PPM1D: variants seen among roughly 807,000 people sequenced by gnomAD.
PPM1D encodes the protein protein phosphatase, Mg2+/Mn2+ dependent 1D.
In PPM1D, 52 loss-of-function variants were observed where a neutral mutation model predicts 58.3. The observed-to-expected ratio is 0.89, with a 90% CI of 0.71 to 1.12. The LOEUF is 1.12. Among genes scored for constraint, PPM1D ranks in the 50% most tolerant of loss-of-function variants. The pLI is 0.00. For synonymous variants in PPM1D, 278 were observed against 285.1 expected (o/e 0.98, Z 0.25); for missense variants, 564 against 777.2 (o/e 0.73, Z 3.26).
At chr17:60,622,397 T>C (rs1335356631) in intron 1 of PPM1D, among the ~76,000 whole-genome samples, 1 of 152,230 alleles carries the variant, frequency 6.6e-6, no homozygotes, top group Non-Finnish European at 1.5e-5. Flanking sequence ...TTCTGTCCTT[T>C]CAGTGGGATT....
At chr17:60,602,154 C>T (rs533667159) in intron 1 of PPM1D, among the ~76,000 whole-genome samples, 4 of 152,330 alleles carry the variant, frequency 2.6e-5, no homozygotes, top group African/African-American at 9.6e-5. Flanking sequence ...CGTTTCCCAT[C>T]CATCCCAGGG....
intron 3 of PPM1D, among the ~76,000 whole-genome samples, chr17:60,644,763 C>G (rs1217565009): frequency 6.6e-6 from 1 of 152,188 alleles, no homozygotes; most frequent in East Asian, 1.9e-4. Context: ...AGCAAGTTCA[C>G]AGGACCTAGA....
intron 3 of PPM1D, among the ~76,000 whole-genome samples, chr17:60,639,818 T>C (rs2031099507): frequency 6.6e-6 from 1 of 152,192 alleles, no homozygotes; most frequent in South Asian, 2.1e-4. Flanking sequence ...AAAAGTGATA[T>C]TTGAACTGAG....
intron 3 of PPM1D, among the ~76,000 whole-genome samples, chr17:60,647,377 TGTC>T (rs2031268545): frequency 6.6e-6 from 1 of 152,204 alleles, no homozygotes; most frequent in Non-Finnish European, 1.5e-5. Flanking sequence ...ATATTTTCTA[TGTC>T]TTGCTATCAT....
chr17:60,624,313 T>C (rs1426929226), intron 2 of PPM1D, among the ~76,000 whole-genome samples: 2 of 152,234 alleles, frequency 1.3e-5, no homozygotes, highest in Non-Finnish European at 2.9e-5. Flanking sequence ...TGAAAAAATT[T>C]AAAAATTATC....
Position 60,656,783 on chromosome 17 carries a change from A to G in PPM1D, c.1202A>G (p.Tyr401Cys). The change falls in exon 5 of 6, where the codon TAT becomes TGT. Residue 401 changes from tyrosine to cysteine, a missense_variant. By Grantham distance (194) the Tyr-to-Cys change is radical. This residue lies in a region of PPM1D where 261 missense variants were observed against 270.1 expected (regional missense o/e 0.97). Coordinates refer to ENST00000305921, the MANE Select transcript of PPM1D (RefSeq NM_003620.4). ...CTGAACCTGACTGACAGCCCTTCCT[A>G]TAATAGTCAAGAAACCTGTGTGATG... ...LYLNLTDSPS[Y>C]NSQETCVMTP... 1.2e-6 allele frequency: 2 copies of G among 1,614,188 alleles called. No homozygotes were observed. Among genetic ancestry groups the G allele is most frequent in the Non-Finnish European group, 1.7e-6 (2 of 1,180,024 alleles).
chr17:60,617,836 A>G (rs1023110050), intron 1 of PPM1D, among the ~76,000 whole-genome samples: 1 of 152,234 alleles, frequency 6.6e-6, no homozygotes, highest in Admixed American at 6.5e-5. Flanking sequence ...ATGAATAATT[A>G]TAAACTGAAC....
At chr17:60,625,458 G>A (rs2030788217) in intron 2 of PPM1D, among the ~76,000 whole-genome samples, 1 of 152,156 alleles carries the variant, frequency 6.6e-6, no homozygotes, top group Non-Finnish European at 1.5e-5. Flanking sequence ...CTGAACTGTG[G>A]ACAAAAATAT....
chr17:60,603,453 T>C (rs1723016305), intron 1 of PPM1D, among the ~76,000 whole-genome samples: 1 of 152,172 alleles, frequency 6.6e-6, no homozygotes, highest in Non-Finnish European at 1.5e-5. Context: ...TTTGCAAACC[T>C]CTTTCAATGT....
At chr17:60,605,080 C>A (rs2030302163) in intron 1 of PPM1D, among the ~76,000 whole-genome samples, 1 of 152,176 alleles carries the variant, frequency 6.6e-6, no homozygotes. Flanking sequence ...CCTCGGCCTC[C>A]CACAGGCATG....
intron 5 of PPM1D, among the ~76,000 whole-genome samples, chr17:60,659,734 G>T (rs1283107554): frequency 6.6e-6 from 1 of 152,104 alleles, no homozygotes; most frequent in African/African-American, 2.4e-5. Flanking sequence ...ACTGTTTTAC[G>T]AACATGCAGG....
At chr17:60,640,579 G>A (rs550381479) in intron 3 of PPM1D, among the ~76,000 whole-genome samples, 17 of 152,248 alleles carry the variant, frequency 1.1e-4, no homozygotes, top group African/African-American at 3.6e-4. Context: ...ACATGTACAG[G>A]TTTGTTACAT....
chr17:60,661,840 C>T (rs1318799833), intron 5 of PPM1D, among the ~76,000 whole-genome samples: 1 of 152,128 alleles, frequency 6.6e-6, no homozygotes, highest in African/African-American at 2.4e-5. Context: ...TGTTGTAATG[C>T]TTTCCACACT....
At chr17:60,625,110 C>A (rs758457569) in intron 2 of PPM1D, among the ~76,000 whole-genome samples, 1 of 152,022 alleles carries the variant, frequency 6.6e-6, no homozygotes, top group Non-Finnish European at 1.5e-5. Context: ...CCACTGCACT[C>A]CAGCCTGGGC....
At chr17:60,628,176 G>T (rs1454856434) in intron 2 of PPM1D, among the ~76,000 whole-genome samples, 1 of 152,076 alleles carries the variant, frequency 6.6e-6, no homozygotes, top group East Asian at 1.9e-4. Context: ...AAAAATCCCT[G>T]CATAATTTAA....
chr17:60,617,499 A>G (rs1300957039), intron 1 of PPM1D, among the ~76,000 whole-genome samples: 1 of 151,500 alleles, frequency 6.6e-6, no homozygotes, highest in African/African-American at 2.4e-5. Flanking sequence ...TGATGATCAC[A>G]CCTGTGAATT....
intron 4 of PPM1D, among the ~76,000 whole-genome samples, chr17:60,649,313 G>T (rs2031302667): frequency 6.6e-6 from 1 of 152,144 alleles, no homozygotes. Flanking sequence ...TAGAAAAGAT[G>T]ATCTTTCTCT....
In PPM1D at chr17:60,600,792, G is replaced by A. The variant is rs1426066404; in HGVS notation, c.378G>A (p.Lys126=). The change falls in exon 1 of 6, where the codon AAG becomes AAA. Residue 126 remains lysine (K), a synonymous_variant. Transcript: ENST00000305921. ...AGCACTTGTGGGGTTTCATCAAGAA[G>A]CAGAAGGGTTTCACCTCGTCCGAGC... ...AREHLWGFIK[K]QKGFTSSEPA... 1 of 1,612,994 alleles carries A rather than the reference G, an allele frequency of 6.2e-7. No homozygotes were observed. The highest frequency in any genetic ancestry group is 8.5e-7 in the Non-Finnish European group (1 of 1,180,004).
rs566808991 is a variant in PPM1D at position 60,600,224 on chromosome 17, G to C, written c.-191G>C. The C allele has an allele frequency of 9.4e-6, 11 of 1,170,724 alleles. No individual in the cohort carries two copies. The highest frequency in any genetic ancestry group is 8.1e-6 in the Non-Finnish European group (7 of 865,606). 72.5% of individuals were successfully genotyped at this position (1,170,724 alleles called of 1,614,324 possible). A position where few individuals can be genotyped will look rare whatever the true frequency, so the allele number is the denominator to read the frequency against. On this transcript the variant is annotated 5_prime_UTR_variant, in exon 1 of 6. Coordinates refer to ENST00000305921, the MANE Select transcript of PPM1D (RefSeq NM_003620.4). ...CAGGCGCAACTGCCTGGCTCTGCTC[G>C]CTCCGGCGCTCCGGCCCAGCTCTCG... is the stretch of plus-strand genomic sequence containing the variant.
Sources: gnomAD v4.1 joint callset for allele counts (sites outside exome capture counted in the v4.1 genomes callset) on GRCh38, gnomAD v4.1.1 for gene constraint, gnomAD v4.1.1 regional missense constraint, MANE v1.5 for transcripts, NCBI Gene and HGNC (gene_info 2026-07-23, HGNC 2026-07-21) for gene names.